Variants in SH3KBP1 observed in about 807,000 individuals in gnomAD.
The protein encoded by SH3KBP1 is SH3 domain-containing kinase-binding protein 1.
A neutral mutation model predicts 50.1 loss-of-function variants in SH3KBP1; 8 were observed. The observed-to-expected ratio is 0.16, with a 90% confidence interval of 0.09 to 0.29. The LOEUF (loss-of-function observed/expected upper bound fraction) is 0.29, where lower values mean the gene tolerates loss of function less well. Among genes scored for constraint, SH3KBP1 ranks in the 10% least tolerant of loss-of-function variants. The pLI is 1.00. For missense variants in SH3KBP1, 377 were observed against 535.2 expected, an observed-to-expected ratio of 0.70 and a Z score of 2.92; for synonymous variants, 227 against 218.6, an observed-to-expected ratio of 1.04 and a Z score of -0.34.
At chrX:19,563,451 C>T (rs1158326653) in intron 13 of SH3KBP1, among the ~76,000 whole-genome samples, 3 of 111,968 alleles carry the variant, frequency 2.7e-5, no homozygotes, top group Non-Finnish European at 3.8e-5. Flanking sequence ...GAATTAGCTA[C>T]GCCTCTGTAA....
chrX:19,566,477 G>T (rs2065846077), intron 13 of SH3KBP1, among the ~76,000 whole-genome samples: 1 of 111,711 alleles, frequency 9.0e-6, no homozygotes, highest in African/African-American at 3.3e-5. Context: ...GGAGGAGGGA[G>T]AATACCTCCC....
intron 12 of SH3KBP1, among the ~76,000 whole-genome samples, chrX:19,587,439 G>GC (rs1036840161): frequency 2.7e-5 from 3 of 111,062 alleles, no homozygotes; most frequent in Non-Finnish European, 5.7e-5. Context: ...CGTACTTAAT[G>GC]CCACTGAACA....
intron 2 of SH3KBP1, among the ~76,000 whole-genome samples, chrX:19,760,021 C>T (rs1292825970): frequency 1.1e-5 from 1 of 93,965 alleles, no homozygotes; most frequent in Non-Finnish European, 2.0e-5. Context: ...CTCTCTCTCT[C>T]TCCTCTCTCT....
At chrX:19,681,266 A>G (rs368168515) in intron 6 of SH3KBP1, among the ~76,000 whole-genome samples, 1 of 112,422 alleles carries the variant, frequency 8.9e-6, no homozygotes, top group East Asian at 2.8e-4. Flanking sequence ...CATGGCACCA[A>G]TATCAATGCA....
chrX:19,563,273 G>C (rs2065738697), intron 13 of SH3KBP1, among the ~76,000 whole-genome samples: 1 of 112,192 alleles, frequency 8.9e-6, no homozygotes, highest in Non-Finnish European at 1.9e-5. Context: ...AAAGGGCCCT[G>C]AAGGACCATC....
At chrX:19,730,625 A>C (rs919651737) in intron 3 of SH3KBP1, among the ~76,000 whole-genome samples, 9 of 112,001 alleles carry the variant, frequency 8.0e-5, no homozygotes, top group Admixed American at 7.6e-4. Context: ...ATCTTCAACA[A>C]GCAAGCTGCA....
chrX:19,794,726 A>C (rs1347971302), intron 2 of SH3KBP1, among the ~76,000 whole-genome samples: 1 of 111,782 alleles, frequency 8.9e-6, no homozygotes, highest in Non-Finnish European at 1.9e-5. Flanking sequence ...AATAAAATAA[A>C]ATAAAGAAGA....
Position 19,836,209 on chromosome X carries a change from G to A in SH3KBP1, c.78C>T (p.Ile26=), listed in dbSNP as rs1403912598. The part of the protein sequence containing the change: ...DELTISVGEI[I]TNIRKEDGGW... ...CTCCATCCTCCTTCCTGATGTTGGTGATGATTTCACCCACGCTGATCGTCA... is the reference window on the plus strand; with the variant it reads ...CTCCATCCTCCTTCCTGATGTTGGTAATGATTTCACCCACGCTGATCGTCA... The change falls in exon 2 of 18, where the codon ATC becomes ATT. Residue 26 remains isoleucine, a synonymous_variant. Transcript: ENST00000397821. 8.3e-7 allele frequency: 1 copy of A among 1,210,567 alleles called. No individual in the cohort carries two copies. Among genetic ancestry groups the A allele is most frequent in the Middle Eastern group, 2.3e-4 (1 of 4,297 alleles).
chrX:19,791,295 C>T (rs1046411469), intron 2 of SH3KBP1, among the ~76,000 whole-genome samples: 24 of 111,328 alleles, frequency 2.2e-4, no homozygotes, highest in Non-Finnish European at 3.2e-4. Flanking sequence ...AACCCAACAA[C>T]TCCACTGCTA....
At position 19,655,895 on chromosome X, in the gene SH3KBP1, G is replaced by A. The variant is rs760487861; in HGVS notation, c.727-10420C>T. ...ACAAAGGGATAAGCACTACGATAAA[G>A]GCACCTATAGAACAAGAAAACAAAG... is the stretch of plus-strand genomic sequence containing the variant. On this transcript the variant is annotated intron_variant, in intron 6 of 17. Coordinates refer to ENST00000397821, the MANE Select transcript of SH3KBP1 (RefSeq NM_031892.3). Among the ~76,000 whole-genome samples the A allele has an allele frequency of 3.9e-3, 439 of 111,971 alleles. 4 individuals carry two copies. Among genetic ancestry groups the A allele is most frequent in the African/African-American group, 0.013 (413 of 30,795 alleles).
rs756337052 is a variant in SH3KBP1 at position 19,683,814 on chromosome X, C to T, written c.726+9G>A. 1.5e-5 allele frequency: 18 copies of T among 1,197,232 alleles called. No individual in the cohort carries two copies. In the Admixed American group the frequency reaches 2.4e-4, roughly 16 times the overall value. On this transcript the variant is annotated intron_variant, in intron 6 of 17. Transcript: ENST00000397821. The stretch of plus-strand genomic sequence containing the variant: ...TAAGTTGAAATCAAATAGAAACTGT[C>T]GAACATACCTTTTCTACCGGCAGAA...
At chrX:19,841,675 G>A (rs1394907661) in intron 1 of SH3KBP1, among the ~76,000 whole-genome samples, 1 of 111,271 alleles carries the variant, frequency 9.0e-6, no homozygotes, top group Admixed American at 9.6e-5. Flanking sequence ...GAGATGGAAA[G>A]AACATCAGAT....
chrX:19,628,677 A>G (rs1245379996), intron 8 of SH3KBP1, among the ~76,000 whole-genome samples: 1 of 112,040 alleles, frequency 8.9e-6, no homozygotes, highest in Non-Finnish European at 1.9e-5. Context: ...AAAAAATAAT[A>G]AAAGCAAAAT....
intron 4 of SH3KBP1, among the ~76,000 whole-genome samples, chrX:19,703,696 CTGTG>C (rs56915755): frequency 0.098 from 6,209 of 63,264 alleles, 324 homozygotes; most frequent in Middle Eastern, 0.14. Flanking sequence ...AAAAGAGAAA[CTGTG>C]TGTGTGTGTG....
intron 3 of SH3KBP1, among the ~76,000 whole-genome samples, chrX:19,719,798 G>A (rs2064006883): frequency 9.3e-6 from 1 of 107,042 alleles, no homozygotes; most frequent in South Asian, 4.2e-4. Context: ...GATCACTTGA[G>A]CCCAGGAGTT....
intron 2 of SH3KBP1, among the ~76,000 whole-genome samples, chrX:19,830,889 GGCATGTGGCCTA>G (rs1286125251): frequency 2.1e-4 from 24 of 112,108 alleles, no homozygotes; most frequent in Non-Finnish European, 4.3e-4. Context: ...AACCTAAAAA[GGCATGTGGCCTA>G]GCTGGGTACA....
intron 1 of SH3KBP1, among the ~76,000 whole-genome samples, chrX:19,840,701 T>C (rs1191754138): frequency 1.2e-4 from 14 of 112,612 alleles, no homozygotes. Flanking sequence ...TATGATTTTT[T>C]TAAAGTGGTA....
At chrX:19,560,444 C>T (rs1044562756) in intron 13 of SH3KBP1, among the ~76,000 whole-genome samples, 7 of 111,563 alleles carry the variant, frequency 6.3e-5, no homozygotes, top group South Asian at 3.8e-4. Flanking sequence ...TGTGACACTG[C>T]GCTGGGTCCT....
intron 2 of SH3KBP1, among the ~76,000 whole-genome samples, chrX:19,780,366 C>A (rs1272852073): frequency 1.1e-5 from 1 of 87,497 alleles, no homozygotes; most frequent in African/African-American, 4.2e-5. Context: ...GAGTAGGTTG[C>A]GAAAATTTTC....
Sources: allele counts gnomAD v4.1 joint callset (sites outside exome capture counted in the v4.1 genomes callset), GRCh38; gene constraint gnomAD v4.1.1; transcripts MANE v1.5; gene names NCBI Gene and HGNC (gene_info 2026-07-23, HGNC 2026-07-21).